Variants in MIA2 observed in about 807,000 individuals in gnomAD.
MIA2 encodes the protein melanoma inhibitory activity protein 2.
In MIA2, 127 loss-of-function variants were observed where a neutral mutation model predicts 167.8. The ratio of observed to expected loss-of-function variants is 0.76; its 90% CI spans 0.66 to 0.88. MIA2 has a LOEUF of 0.88. MIA2 is among the 40% of genes least tolerant of loss of function. The probability of loss-of-function intolerance (pLI) is 0.00; values close to 1 mark genes in which losing one functional copy is unlikely to be tolerated. For synonymous variants in MIA2, 552 were observed against 541.9 expected (o/e 1.02, Z -0.26); for missense variants, 1,690 against 1,624.7 (o/e 1.04, Z -0.69).
At chr14:39,294,720 A>AG in intron 12 of MIA2, among the ~76,000 whole-genome samples, 1 of 152,328 alleles carries the variant, frequency 6.6e-6, no homozygotes, top group Non-Finnish European at 1.5e-5. Flanking sequence ...GGTTTGTCCA[A>AG]GGTCACATCG....
chr14:39,304,466 C>G (rs1455715915), intron 17 of MIA2, 85 bp downstream of exon 17: 2 of 712,348 alleles, frequency 2.8e-6, no homozygotes, highest in East Asian at 6.3e-5. Flanking sequence ...ATTGAATTAA[C>G]TTTGGGAAGA....
chr14:39,367,726 C>A (rs1476702505), intron 23 of MIA2, among the ~76,000 whole-genome samples: 6 of 152,152 alleles, frequency 3.9e-5, no homozygotes, highest in Admixed American at 1.3e-4. Flanking sequence ...TATCTACATG[C>A]TATTTTGGTT....
chr14:39,254,806 A>G lies in MIA2; in HGVS notation c.1887+1635A>G, dbSNP rs1322519999. On this transcript the variant is annotated intron_variant, in intron 6 of 28. Coordinates refer to ENST00000640607, the MANE Select transcript of MIA2 (RefSeq NM_001329214.4). ...TTCTGTGAGTGGGATTTGGCCCACT[A>G]ACCACATTTTTTAGCCTCTGGTCTA... Among the ~76,000 whole-genome samples the G allele has an allele frequency of 2.0e-5, 3 of 152,230 alleles. No homozygotes were observed. In the East Asian group the frequency reaches 5.8e-4, roughly 29 times the overall value.
chr14:39,352,838 C>CAT (rs1216748394), downstream of MIA2, among the ~76,000 whole-genome samples: 4 of 152,092 alleles, frequency 2.6e-5, no homozygotes, highest in Admixed American at 1.3e-4. Context: ...AGCTAGTTAA[C>CAT]ATATATTTTA....
chr14:39,311,797 T>A (rs1189479672), intron 18 of MIA2, among the ~76,000 whole-genome samples: 1 of 146,234 alleles, frequency 6.8e-6, no homozygotes, highest in Non-Finnish European at 1.5e-5. Flanking sequence ...GCCCTTGATG[T>A]GTTACTTTAA....
chr14:39,267,790 GTT>G (rs1342413797), intron 6 of MIA2, among the ~76,000 whole-genome samples: 1 of 152,222 alleles, frequency 6.6e-6, no homozygotes. Flanking sequence ...AGATGTAAAT[GTT>G]TCCCGATTCC....
intron 25 of MIA2, among the ~76,000 whole-genome samples, chr14:39,334,043 A>G (rs2069638654): frequency 6.6e-6 from 1 of 152,220 alleles, no homozygotes; most frequent in Non-Finnish European, 1.5e-5. Flanking sequence ...ATGAGTGAGA[A>G]GGGCTAAATG....
Position 39,326,940 on chromosome 14 carries a change from C to T in MIA2, c.3573C>T (p.Thr1191=), listed in dbSNP as rs145828781. Residue 1191 remains threonine, a synonymous_variant, in exon 25 of 29, where the codon ACC becomes ACT. Coordinates refer to ENST00000640607, the MANE Select transcript of MIA2 (RefSeq NM_001329214.4). The part of the protein sequence containing the change: ...ERGESSCDRL[T]DPHRAPSDTG... ...GAGAATCAAGCTGTGATAGGTTAAC[C>T]GATCCTCATAGGGCTCCCTCTGACA... 3.2e-5 allele frequency: 51 copies of T among 1,596,832 alleles called. No individual in the cohort carries two copies. The highest frequency in any genetic ancestry group is 1.7e-4 in the Middle Eastern group (1 of 6,032).
At chr14:39,364,531 T>C (rs1339497435) in intron 23 of MIA2, among the ~76,000 whole-genome samples, 2 of 152,144 alleles carry the variant, frequency 1.3e-5, no homozygotes, top group Non-Finnish European at 2.9e-5. Flanking sequence ...TATACTTTTG[T>C]ATTTTCATGG....
chr14:39,380,121 A>G (rs1201548026), intron 23 of MIA2, among the ~76,000 whole-genome samples: 1 of 152,250 alleles, frequency 6.6e-6, no homozygotes, highest in Non-Finnish European at 1.5e-5. Flanking sequence ...AGAATGTTAT[A>G]TTGAAAGAAA....
At chr14:39,387,993 T>C (rs920524363) in exon 24 of MIA2, 15 of 152,224 alleles carry the variant, frequency 9.9e-5, no homozygotes, top group African/African-American at 3.4e-4. Flanking sequence ...AAACATAACT[T>C]TTATGTGCAT....
chr14:39,385,368 T>G (rs1478633996), intron 23 of MIA2: 1 of 1,006,140 alleles, frequency 9.9e-7, no homozygotes, highest in African/African-American at 1.6e-5. Context: ...AAACAAGACA[T>G]TCATAAACTA....
At chr14:39,244,388 C>G (rs1373576734) in intron 3 of MIA2, among the ~76,000 whole-genome samples, 1 of 152,136 alleles carries the variant, frequency 6.6e-6, no homozygotes, top group Non-Finnish European at 1.5e-5. Context: ...CCCCAACATC[C>G]CCATCTTACA....
chr14:39,314,077 A>C (rs1283337530), intron 19 of MIA2, among the ~76,000 whole-genome samples: 1 of 152,176 alleles, frequency 6.6e-6, no homozygotes, highest in East Asian at 1.9e-4. Flanking sequence ...CTAATTTCCT[A>C]GAATTCTATT....
At chr14:39,303,170 C>G (rs1214070401) in intron 15 of MIA2, among the ~76,000 whole-genome samples, 1 of 151,950 alleles carries the variant, frequency 6.6e-6, no homozygotes, top group African/African-American at 2.4e-5. Flanking sequence ...ATTTTGGATG[C>G]TGTAAGAATC....
intron 24 of MIA2, among the ~76,000 whole-genome samples, chr14:39,324,668 A>G (rs1007417139): frequency 1.1e-4 from 17 of 150,506 alleles, no homozygotes; most frequent in African/African-American, 4.2e-4. Flanking sequence ...GTGCAGTGGC[A>G]CGATCTCGGT....
At chr14:39,366,849 G>C (rs1185095520) in intron 23 of MIA2, among the ~76,000 whole-genome samples, 1 of 152,184 alleles carries the variant, frequency 6.6e-6, no homozygotes, top group African/African-American at 2.4e-5. Context: ...GCTCACAGCT[G>C]CAGGTAGGCA....
chr14:39,371,205 A>G (rs1382072615), intron 23 of MIA2, among the ~76,000 whole-genome samples: 3 of 152,154 alleles, frequency 2.0e-5, no homozygotes, highest in African/African-American at 7.2e-5. Context: ...TTAAATATAT[A>G]TGATGATGTA....
intron 23 of MIA2, among the ~76,000 whole-genome samples, chr14:39,372,791 G>A (rs1454587238): frequency 6.6e-6 from 1 of 152,162 alleles, no homozygotes; most frequent in Non-Finnish European, 1.5e-5. Context: ...TTAAAGGAGT[G>A]CTAAAAACTG....
Sources: allele counts gnomAD v4.1 joint callset (sites outside exome capture counted in the v4.1 genomes callset), GRCh38; gene constraint gnomAD v4.1.1; transcripts MANE v1.5; gene names NCBI Gene and HGNC (gene_info 2026-07-23, HGNC 2026-07-21).